The following SPHK2 variants were observed in gnomAD, a reference collection of about 807,000 sequenced individuals.
SPHK2 encodes sphingosine kinase 2.
SPHK2 carries 18 observed loss-of-function variants against 32.3 expected under a neutral mutation model. That is an observed-to-expected ratio of 0.56 (90% CI 0.39 to 0.83). The LOEUF is 0.83. Among genes scored for constraint, SPHK2 ranks in the 40% least tolerant of loss-of-function variants. SPHK2 has a pLI of 0.00. For missense variants in SPHK2, 850 were observed against 908.7 expected (o/e 0.94, Z 0.83); for synonymous variants, 462 against 417.6 (o/e 1.11, Z -1.30).
At chr19:48,624,207 C>G (rs1974515409) in intron 2 of SPHK2, 1 of 152,380 alleles carries the variant, frequency 6.6e-6, no homozygotes, top group African/African-American at 2.4e-5. Context: ...GGCGGCCAGT[C>G]TCCCGAAGCG....
intron 3 of SPHK2, among the ~76,000 whole-genome samples, chr19:48,627,462 C>T (rs757349548): frequency 1.2e-4 from 19 of 152,360 alleles, no homozygotes; most frequent in Non-Finnish European, 2.5e-4. Context: ...TGAACTACAG[C>T]TCCTCCCACA....
chr19:48,628,506 A>G lies in SPHK2; in HGVS notation c.873-175A>G, dbSNP rs2030200022. 2.2e-6 allele frequency: 2 copies of G among 902,862 alleles called. No homozygotes were observed. Among genetic ancestry groups the G allele is most frequent in the Admixed American group, 1.8e-5 (1 of 55,092 alleles). 55.9% of individuals were successfully genotyped at this position (902,862 alleles called of 1,614,324 possible). On this transcript the variant is annotated intron_variant, in intron 6 of 6. Coordinates refer to ENST00000245222, the MANE Select transcript of SPHK2 (RefSeq NM_020126.5). The surrounding 1 kb of genome is among the most constrained non-coding windows in gnomAD (Gnocchi z 5.2). ...CTCAGTGAATTGTAGGGAGCAAATGAAAGATGACCAGGAACCTGGCCCCGT... is the reference window on the plus strand; with the variant it reads ...CTCAGTGAATTGTAGGGAGCAAATGGAAGATGACCAGGAACCTGGCCCCGT...
At position 48,626,186 on chromosome 19, in the gene SPHK2, C is replaced by A. The variant is rs377113807; in HGVS notation, c.335C>A (p.Ala112Glu). ...CGAAGCCGCAGCCCCTCAGACTCAGCGGCCTACTTCTGCATCTACACCTAC... is the reference window on the plus strand; with the variant it reads ...CGAAGCCGCAGCCCCTCAGACTCAGAGGCCTACTTCTGCATCTACACCTAC... ...TLRSRSPSDSAAYFCIYTYPR... is the reference protein window; with the variant it reads ...TLRSRSPSDSEAYFCIYTYPR... The change falls in exon 3 of 7, where the codon GCG becomes GAG. Residue 112 changes from alanine to glutamate, a missense_variant. Coordinates refer to ENST00000245222, the MANE Select transcript of SPHK2 (RefSeq NM_020126.5). 3 of 1,592,688 alleles carry A rather than the reference C, an allele frequency of 1.9e-6. No individual in the cohort carries two copies. The highest frequency in any genetic ancestry group is 2.7e-5 in the African/African-American group (2 of 74,546).
chr19:48,629,236 C>A lies in SPHK2; in HGVS notation c.1428C>A (p.Gly476=). 6.2e-7 allele frequency: 1 copy of A among 1,613,698 alleles called. No individual in the cohort carries two copies. Among genetic ancestry groups the A allele is most frequent in the Non-Finnish European group, 8.5e-7 (1 of 1,179,964 alleles). Reference sequence around the variant, plus strand: ...ACCCACTGCTGTCTTCACCTCCTGGCTCTCCCAAGGCAGCTCTACACTCAC... The same window carrying A: ...ACCCACTGCTGTCTTCACCTCCTGGATCTCCCAAGGCAGCTCTACACTCAC... ...SPDPLLSSPP[G]SPKAALHSPV... Residue 476 remains glycine (G), a synonymous_variant, in exon 7 of 7, where the codon GGC becomes GGA. Transcript: ENST00000245222.
chr19:48,625,285 C>G (rs1187457384), intron 2 of SPHK2: 5 of 1,105,910 alleles, frequency 4.5e-6, no homozygotes, highest in African/African-American at 1.7e-5. Context: ...CTTTCATCGC[C>G]TGAGTTTCAC....
Position 48,630,014 on chromosome 19 carries a change from T to TG in SPHK2, c.*242dup, listed in dbSNP as rs987212210. On this transcript the variant is annotated 3_prime_UTR_variant, in exon 7 of 7. Transcript: ENST00000245222. This position sits in a 1 kb window ranked among gnomAD's most constrained non-coding sequence, Gnocchi z 4.9. ...ATCAATGAGGGCGGGGCCTGGCGTCTGATCTGGGGCCGCCCTTACGGGGCA... is the reference window on the plus strand; with the variant it reads ...ATCAATGAGGGCGGGGCCTGGCGTCTGGATCTGGGGCCGCCCTTACGGGGCA... The TG allele has an allele frequency of 5.9e-6, 8 of 1,359,524 alleles. No homozygotes were observed. Among genetic ancestry groups the TG allele is most frequent in the Non-Finnish European group, 7.6e-6 (8 of 1,059,158 alleles). 84.2% of individuals were successfully genotyped at this position (1,359,524 alleles called of 1,614,324 possible).
rs775519149 is a variant in SPHK2 at position 48,630,231 on chromosome 19, C to G, written c.*458C>G. On this transcript the variant is annotated 3_prime_UTR_variant, in exon 7 of 7. Coordinates refer to ENST00000245222, the MANE Select transcript of SPHK2 (RefSeq NM_020126.5). The surrounding 1 kb of genome is among the most constrained non-coding windows in gnomAD (Gnocchi z 4.9). Reference sequence around the variant, plus strand: ...CCTCCATTTAGCTGGCCAATCAGCCCAGGAGGGGCAGGTTCCCCGGGGCCG... The same window carrying G: ...CCTCCATTTAGCTGGCCAATCAGCCGAGGAGGGGCAGGTTCCCCGGGGCCG... 17 of 1,278,050 alleles carry G rather than the reference C, an allele frequency of 1.3e-5. No individual in the cohort carries two copies. The highest frequency in any genetic ancestry group is 1.6e-5 in the Non-Finnish European group (16 of 1,012,766). 79.2% of individuals were successfully genotyped at this position (1,278,050 alleles called of 1,614,324 possible).
In SPHK2 at chr19:48,622,266, A is replaced by T. The variant is rs549949635; in HGVS notation, c.39+1713A>T. ...AGAGCGAAACTCCGTCTCAAAAAAA[A>T]AAAAAATAAAAAAAAATAAAGGACT... On this transcript the variant is annotated intron_variant, in intron 2 of 6. Transcript: ENST00000245222. 5.5e-3 allele frequency among the ~76,000 whole-genome samples: 811 copies of T among 146,436 alleles called. 14 individuals carry two copies. Among genetic ancestry groups the T allele is most frequent in the African/African-American group, 0.02 (734 of 37,528 alleles).
rs1413954288 is a variant in SPHK2 at position 48,625,399 on chromosome 19, G to C, written c.40-492G>C. ...CTGTTTTACCCACTGCACCGTATGG[G>C]GGGTGGGGGTGTCGGGGAGGTGTGT... is the stretch of plus-strand genomic sequence containing the variant. On this transcript the variant is annotated intron_variant, in intron 2 of 6. Coordinates refer to ENST00000245222, the MANE Select transcript of SPHK2 (RefSeq NM_020126.5). The C allele has an allele frequency of 2.5e-6, 3 of 1,178,194 alleles. No homozygotes were observed. The African/African-American group carries it at 4.8e-5, about 19-fold the overall frequency. The allele number at this position is 1,178,194 out of a possible 1,614,324, so 73.0% of individuals were successfully genotyped here. A position where few individuals can be genotyped will look rare whatever the true frequency, so the allele number is the denominator to read the frequency against.
chr19:48,625,131 G>GAC, intron 2 of SPHK2: 2 of 996,342 alleles, frequency 2.0e-6, no homozygotes, highest in Admixed American at 1.1e-4. Flanking sequence ...GCTCGCATGT[G>GAC]GCTCCTCTCG....
In SPHK2 at chr19:48,625,874, C is replaced by G; in HGVS notation, c.40-17C>G. The G allele has an allele frequency of 6.2e-7, 1 of 1,609,298 alleles. No individual in the cohort carries two copies. Among genetic ancestry groups the G allele is most frequent in the South Asian group, 1.1e-5 (1 of 90,708 alleles). ...GGGGTCCTGAATTCTCACCCCTTCT[C>G]TCCTCCCTTCCCACAGAGGCCAGAC... On this transcript the variant is annotated splice_polypyrimidine_tract_variant and intron_variant, in intron 2 of 6. Transcript: ENST00000245222.
In SPHK2 at chr19:48,629,634, G is replaced by A; in HGVS notation, c.1826G>A (p.Arg609His). Residue 609 changes from arginine to histidine, a missense_variant, in exon 7 of 7, where the codon CGC (arginine) becomes CAC (histidine). Arg to His is a conservative substitution (Grantham distance 29). Around this residue, in one of 2 missense-constraint regions of SPHK2, gnomAD observed 306 missense variants for 268.6 expected, o/e 1.14. Coordinates refer to ENST00000245222, the MANE Select transcript of SPHK2 (RefSeq NM_020126.5). ...GGCTACGCCGCGGCCCGTGCCTTCC[G>A]CCTAGAGCCGCTCACACCACGCGGC... Reference protein sequence around the residue: ...QLGYAAARAFRLEPLTPRGVL... With the variant: ...QLGYAAARAFHLEPLTPRGVL... The A allele has an allele frequency of 1.2e-6, 2 of 1,600,822 alleles. No homozygotes were observed. Among genetic ancestry groups the A allele is most frequent in the Non-Finnish European group, 1.7e-6 (2 of 1,174,580 alleles).
intron 2 of SPHK2, among the ~76,000 whole-genome samples, chr19:48,622,152 G>A (rs1234787725): frequency 1.3e-5 from 2 of 151,866 alleles, no homozygotes; most frequent in Admixed American, 6.6e-5. Flanking sequence ...AGCTACACAC[G>A]GGAGGCTGAG....
rs1458427766 is a variant in SPHK2 at position 48,629,618 on chromosome 19, G to A, written c.1810G>A (p.Ala604Thr). ...SLGCPQLGYA[A>T]ARAFRLEPLT... ...GGGCTGTCCGCAGCTGGGCTACGCC[G>A]CGGCCCGTGCCTTCCGCCTAGAGCC... The change falls in exon 7 of 7, where the codon GCG (alanine) becomes ACG (threonine). Residue 604 changes from alanine to threonine, a missense_variant. By Grantham distance (58) the Ala-to-Thr change is moderately conservative. This residue lies in a region of SPHK2 where 306 missense variants were observed against 268.6 expected (regional missense o/e 1.14). Coordinates refer to ENST00000245222, the MANE Select transcript of SPHK2 (RefSeq NM_020126.5). The A allele has an allele frequency of 6.3e-7, 1 of 1,598,540 alleles. No individual in the cohort carries two copies. Among genetic ancestry groups the A allele is most frequent in the Non-Finnish European group, 8.5e-7 (1 of 1,173,252 alleles).
chr19:48,624,784 T>G, intron 2 of SPHK2: 161 of 404,190 alleles, frequency 4.0e-4, no homozygotes, highest in Non-Finnish European at 4.9e-4. Context: ...CCAGGGCAGG[T>G]TTGGGGGTGA....
chr19:48,622,851 C>T (rs1378390684), intron 2 of SPHK2, among the ~76,000 whole-genome samples: 5 of 148,844 alleles, frequency 3.4e-5, no homozygotes, highest in Admixed American at 6.7e-5. Flanking sequence ...CTGTAACCTC[C>T]GCCTCTTGGG....
intron 3 of SPHK2, among the ~76,000 whole-genome samples, chr19:48,627,170 A>T (rs1403113890): frequency 6.6e-6 from 1 of 152,166 alleles, no homozygotes; most frequent in African/African-American, 2.4e-5. Flanking sequence ...AGGCAGAGAA[A>T]AGTGATTTAC....
chr19:48,625,368 G>C, intron 2 of SPHK2: 1 of 1,155,798 alleles, frequency 8.7e-7, no homozygotes, highest in Non-Finnish European at 1.1e-6. Context: ...GTTTGTGATT[G>C]TTTTGCTGTT....
At position 48,629,429 on chromosome 19, in the gene SPHK2, A is replaced by G; in HGVS notation, c.1621A>G (p.Met541Val). 1 of 1,610,784 alleles carries G rather than the reference A, an allele frequency of 6.2e-7. No individual in the cohort carries two copies. Among genetic ancestry groups the G allele is most frequent in the Non-Finnish European group, 8.5e-7 (1 of 1,179,280 alleles). Residue 541 changes from methionine (M) to valine (V), a missense_variant, in exon 7 of 7, where the codon ATG (methionine) becomes GTG (valine). By Grantham distance (21) the Met-to-Val change is conservative (BLOSUM62 1). Around this residue, in one of 2 missense-constraint regions of SPHK2, gnomAD observed 306 missense variants for 268.6 expected, o/e 1.14. Coordinates refer to ENST00000245222, the MANE Select transcript of SPHK2 (RefSeq NM_020126.5). Reference protein sequence around the residue: ...WVTLEGDFVLMLAISPSHLGA... With the variant: ...WVTLEGDFVLVLAISPSHLGA... ...GACGCTGGAGGGGGACTTTGTGCTCATGTTGGCCATCTCGCCCAGCCACCT... is the reference window on the plus strand; with the variant it reads ...GACGCTGGAGGGGGACTTTGTGCTCGTGTTGGCCATCTCGCCCAGCCACCT...
Sources: allele counts gnomAD v4.1 joint callset (sites outside exome capture counted in the v4.1 genomes callset), GRCh38; gene constraint gnomAD v4.1.1; regional missense constraint gnomAD v4.1.1; non-coding constraint Gnocchi (gnomAD v3.1); transcripts MANE v1.5; gene names NCBI Gene and HGNC (gene_info 2026-07-23, HGNC 2026-07-21).